The following TTN variants were observed in gnomAD, a reference collection of about 807,000 sequenced individuals.
TTN encodes titin, also known as connectin.
In TTN, 1,525 loss-of-function variants were observed where a neutral mutation model predicts 3,223.0. That is an observed-to-expected ratio of 0.47 (90% confidence interval 0.45 to 0.49). The LOEUF is 0.49. Ranked by LOEUF, TTN falls within the 20% of genes least tolerant of loss-of-function variation. The probability of loss-of-function intolerance (pLI) is 0.00; values close to 1 mark genes in which losing one functional copy is unlikely to be tolerated. For synonymous variants in TTN, 14,094 were observed against 15,161.0 expected, an observed-to-expected ratio of 0.93 and a Z score of 5.17; for missense variants, 40,786 against 43,424.0, an observed-to-expected ratio of 0.94 and a Z score of 5.40.
At chr2:178,664,980 A>C (rs1163136531) in intron 165 of TTN, 54 bp from the exon 166 acceptor site, 2 of 1,536,518 alleles carry the variant, frequency 1.3e-6, no homozygotes, top group East Asian at 4.7e-5. Context: ...AATGGAAAAC[A>C]GTAACCACAA....
In TTN at chr2:178,650,210, TG is replaced by T; in HGVS notation, c.39770del (p.Pro13257GlnfsTer53). On this transcript the variant is annotated frameshift_variant, in exon 210 of 363. Coordinates refer to ENST00000589042, the MANE Select transcript of TTN (RefSeq NM_001267550.2). LOFTEE classifies it high-confidence loss of function. ...EEEIAPEEEK[P>X]VPVAEEEEPE... ...GTTCCTCCTCTTCTGCAACAGGAAC[TG>T]GCTTTTCCTCTTCAGGAGCAATTTC... 1 of 1,597,878 alleles carries T rather than the reference TG, an allele frequency of 6.3e-7. No homozygotes were observed.
In TTN at chr2:178,536,351, G is replaced by A. The variant is rs371908649; in HGVS notation, c.100396C>T (p.Arg33466Cys). ...NLIEGLEYEFRVKCENLGGES... is the reference protein window; with the variant it reads ...NLIEGLEYEFCVKCENLGGES... The stretch of plus-strand genomic sequence containing the variant: ...CCACCTAGATTTTCACATTTCACAC[G>A]AAACTCGTATTCAAGACCTTCAATA... The change falls in exon 357 of 363, where the codon CGT becomes TGT. Residue 33466 changes from arginine to cysteine, a missense_variant. Coordinates refer to ENST00000589042, the MANE Select transcript of TTN (RefSeq NM_001267550.2). 3.3e-5 allele frequency: 53 copies of A among 1,613,684 alleles called. No homozygotes were observed. In the East Asian group the frequency reaches 6.0e-4, roughly 18 times the overall value.
In TTN at chr2:178,552,771, T is replaced by C. The variant is rs727504960; in HGVS notation, c.90129A>G (p.Thr30043=). The part of the protein sequence containing the change: ...PIRDLSMKDS[T]KTSVILSWTK... ...TCCAGCTGAGGATGACAGATGTCTT[T>C]GTTGAGTCTTTCATTGAGAGATCAC... Residue 30043 remains threonine, a synonymous_variant, in exon 335 of 363, where the codon ACA becomes ACG. Coordinates refer to ENST00000589042, the MANE Select transcript of TTN (RefSeq NM_001267550.2). The C allele has an allele frequency of 1.9e-6, 3 of 1,613,974 alleles. No homozygotes were observed. Among genetic ancestry groups the C allele is most frequent in the East Asian group, 4.5e-5 (2 of 44,866 alleles).
At chr2:178,749,508 T>C (rs2084754568) in intron 47 of TTN, 1 of 1,612,772 alleles carries the variant, frequency 6.2e-7, no homozygotes, top group Non-Finnish European at 8.5e-7. Context: ...TTTACATTTG[T>C]CCAGGGAGTA....
At position 178,573,559 on chromosome 2, in the gene TTN, A is replaced by G; in HGVS notation, c.72573T>C (p.Asn24191=). Residue 24191 remains asparagine (N), a synonymous_variant, in exon 326 of 363, where the codon AAT becomes AAC. Coordinates refer to ENST00000589042, the MANE Select transcript of TTN (RefSeq NM_001267550.2). ...KLKVTKLLKG[N]EYIFRVMAVN... The stretch of plus-strand genomic sequence containing the variant: ...CAGCCATGACACGGAATATGTATTC[A>G]TTGCCTTTCAAGAGTTTAGTGACCT... The G allele has an allele frequency of 6.7e-7, 1 of 1,497,428 alleles. No homozygotes were observed. Among genetic ancestry groups the G allele is most frequent in the African/African-American group, 1.4e-5 (1 of 71,420 alleles). The allele number at this position is 1,497,428 out of a possible 1,614,324, so 92.8% of individuals were successfully genotyped here.
At chr2:178,699,519 C>T (rs1577620508) in intron 111 of TTN, among the ~76,000 whole-genome samples, 1 of 142,842 alleles carries the variant, frequency 7.0e-6, no homozygotes, top group African/African-American at 2.6e-5. Context: ...CCACACCATT[C>T]TCCTGCCTCA....
rs988473545 is a variant in TTN at position 178,646,512 on chromosome 2, G to A, written c.40270C>T (p.Pro13424Ser). 1 of 1,547,646 alleles carries A rather than the reference G, an allele frequency of 6.5e-7. No individual in the cohort carries two copies. The highest frequency in any genetic ancestry group is 1.4e-5 in the African/African-American group (1 of 72,886). The change falls in exon 216 of 363, where the codon CCA becomes TCA. Residue 13424 changes from proline (P) to serine (S), a missense_variant. Pro to Ser is a moderately conservative substitution (Grantham distance 74). Transcript: ENST00000589042. ...TTTACTGGTATTTCTTCAGGCTGTGGTTCAGGTTCGGGCTCTTCAGGTTTA... is the reference window on the plus strand; with the variant it reads ...TTTACTGGTATTTCTTCAGGCTGTGATTCAGGTTCGGGCTCTTCAGGTTTA... ...YIKPEEPEPE[P>S]QPEEIPVKEP... is the part of the protein sequence containing the mutation.
At chr2:178,630,029 T>G (rs1159320314) in intron 239 of TTN, among the ~76,000 whole-genome samples, 1 of 152,108 alleles carries the variant, frequency 6.6e-6, no homozygotes, top group Admixed American at 6.5e-5. Flanking sequence ...CTAAATTTTC[T>G]TTTGTTCAAA....
Position 178,569,776 on chromosome 2 carries a change from C to T in TTN, c.76356G>A (p.Trp25452Ter), listed in dbSNP as rs2154168035. The change falls in exon 326 of 363, where the codon TGG becomes TGA. Residue 25452 changes from tryptophan (W) to a stop codon, truncating the protein, a stop_gained. Coordinates refer to ENST00000589042, the MANE Select transcript of TTN (RefSeq NM_001267550.2). LOFTEE classifies it high-confidence loss of function. ...VEKCDVSVGE[W>*]TMCTPPTGIN... ...TTCCTGTTGGTGGAGTGCACATTGT[C>T]CATTCACCAACACTCACATCACATT... 6.2e-7 allele frequency: 1 copy of T among 1,613,240 alleles called. No homozygotes were observed. The highest frequency in any genetic ancestry group is 8.5e-7 in the Non-Finnish European group (1 of 1,179,616).
chr2:178,560,362 T>C lies in TTN; in HGVS notation c.85770A>G (p.Arg28590=), dbSNP rs576796293. 6 of 1,613,768 alleles carry C rather than the reference T, an allele frequency of 3.7e-6. No homozygotes were observed. Among genetic ancestry groups the C allele is most frequent in the African/African-American group, 2.7e-5 (2 of 75,050 alleles). The change falls in exon 326 of 363, where the codon CGA becomes CGG. Residue 28590 remains arginine, a synonymous_variant. Coordinates refer to ENST00000589042, the MANE Select transcript of TTN (RefSeq NM_001267550.2). ...SEISGYIIER[R]EKNSLRWVRV... is the part of the protein sequence containing the mutation. The stretch of plus-strand genomic sequence containing the variant: ...GCACCCATCTTAGGCTATTTTTCTC[T>C]CGCCTTTCAATTATATATCCAGATA...
Position 178,593,616 on chromosome 2 carries a change from T to C in TTN, c.58684A>G (p.Ile19562Val), listed in dbSNP as rs397517637. 5 of 1,612,970 alleles carry C rather than the reference T, an allele frequency of 3.1e-6. No homozygotes were observed. The highest frequency in any genetic ancestry group is 3.4e-6 in the Non-Finnish European group (4 of 1,179,508). The change falls in exon 298 of 363, where the codon ATA becomes GTA. Residue 19562 changes from isoleucine (I) to valine (V), a missense_variant. Transcript: ENST00000589042. ...GAATCAGACACCAGAGGATCACTTATTCCATACAGATTTTCAGCATGTATC... is the reference window on the plus strand; with the variant it reads ...GAATCAGACACCAGAGGATCACTTACTCCATACAGATTTTCAGCATGTATC... ...FRIHAENLYGISDPLVSDSMK... is the reference protein window; with the variant it reads ...FRIHAENLYGVSDPLVSDSMK...
rs375373437 is a variant in TTN at position 178,572,734 on chromosome 2, A to G, written c.73398T>C (p.His24466=). The G allele has an allele frequency of 1.2e-6, 2 of 1,613,460 alleles. No homozygotes were observed. Among genetic ancestry groups the G allele is most frequent in the Non-Finnish European group, 1.7e-6 (2 of 1,179,580 alleles). The change falls in exon 326 of 363, where the codon CAT becomes CAC. Residue 24466 remains histidine, a synonymous_variant. Transcript: ENST00000589042. The stretch of plus-strand genomic sequence containing the variant: ...TGCTAGCTTTATCTAAAGATTCTCC[A>G]TGGTCCCGGGCCCACTTCACCTCAG... The part of the protein sequence containing the change: ...PAPEVKWARD[H]GESLDKASIE...
rs2067116668 is a variant in TTN at position 178,672,176 on chromosome 2, T to C, written c.35022A>G (p.Glu11674=). ...CTTCTTCTTCCGGAATTTCTTCCAC[T>C]TCTGCTTCTACTACTTCTAATTCTA... ...ERLELEVVEA[E]VEEIPEEEEF... is the part of the protein sequence containing the mutation. Residue 11674 remains glutamate, a synonymous_variant, in exon 155 of 363, where the codon GAA becomes GAG. Coordinates refer to ENST00000589042, the MANE Select transcript of TTN (RefSeq NM_001267550.2). The C allele has an allele frequency of 2.5e-6, 4 of 1,583,874 alleles. No homozygotes were observed. The highest frequency in any genetic ancestry group is 3.4e-6 in the Non-Finnish European group (4 of 1,163,038).
In TTN at chr2:178,542,322, G is replaced by T. The variant is rs786205295; in HGVS notation, c.97434C>A (p.Asn32478Lys). ...NEYVFRVAAT[N>K]RFGIGSYLQS... ...GCAAGTAAGAGCCAATCCCGAAGCG[G>T]TTTGTTGCAGCCACACGGAACACAT... is the stretch of plus-strand genomic sequence containing the variant. Residue 32478 changes from asparagine (N) to lysine (K), a missense_variant, in exon 349 of 363, where the codon AAC (asparagine) becomes AAA (lysine). Asn to Lys is a moderately conservative substitution (Grantham distance 94). Transcript: ENST00000589042. The T allele has an allele frequency of 1.2e-6, 2 of 1,613,102 alleles. No homozygotes were observed. Among genetic ancestry groups the T allele is most frequent in the Non-Finnish European group, 1.7e-6 (2 of 1,179,498 alleles).
chr2:178,528,647 G>T lies in TTN; in HGVS notation c.107104C>A (p.Pro35702Thr), dbSNP rs551126367. Reference sequence around the variant, plus strand: ...GATCTAGGCTGTGAGATGAAGGCTGGAGCATCTGAGAGTTCTTTGCTCAGT... The same window carrying T: ...GATCTAGGCTGTGAGATGAAGGCTGTAGCATCTGAGAGTTCTTTGCTCAGT... The part of the protein sequence containing the change: ...LTLSKELSDA[P>T]AFISQPRSQN... Residue 35702 changes from proline to threonine, a missense_variant, in exon 360 of 363, where the codon CCA becomes ACA. By Grantham distance (38) the Pro-to-Thr change is conservative (BLOSUM62 -1). Transcript: ENST00000589042. The T allele has an allele frequency of 1.9e-6, 3 of 1,612,948 alleles. No individual in the cohort carries two copies. In the South Asian group the frequency reaches 3.3e-5, roughly 18 times the overall value.
rs766946708 is a variant in TTN, at chr2:178,790,800, C to T, written c.1708G>A (p.Ala570Thr). ...TCTAGTTTTGTGGACTTTGCAGTGG[C>T]AACTACCACCATGGATGCAGCAGTT... ...EITAASMVVV[A>T]TAKSTKLETV... The change falls in exon 11 of 363, where the codon GCC (alanine) becomes ACC (threonine). Residue 570 changes from alanine to threonine, a missense_variant. Physicochemically the swap from Ala to Thr is moderately conservative, Grantham distance 58 (BLOSUM62 0). Coordinates refer to ENST00000589042, the MANE Select transcript of TTN (RefSeq NM_001267550.2). 31 of 1,613,968 alleles carry T rather than the reference C, an allele frequency of 1.9e-5. No homozygotes were observed. Among genetic ancestry groups the T allele is most frequent in the Non-Finnish European group, 2.2e-5 (26 of 1,179,994 alleles).
At chr2:178,666,757 AT>A in intron 163 of TTN, 66 bp downstream of exon 163, 1 of 1,361,734 alleles carries the variant, frequency 7.3e-7, no homozygotes, top group Non-Finnish European at 9.9e-7. Context: ...AGATATTAGT[AT>A]TTTTACATGT....
chr2:178,715,309 A>G (rs1428169170), intron 89 of TTN, 45 bp from the exon 90 acceptor site: 3 of 1,542,812 alleles, frequency 1.9e-6, no homozygotes, highest in South Asian at 2.6e-5. Flanking sequence ...CTGTAAGTAT[A>G]TAGTTAAAAG....
At chr2:178,618,536 T>TTTTAAATTGTGCTTTGCAAA in intron 251 of TTN, 45 bp from the exon 252 acceptor site, 2 of 1,608,484 alleles carry the variant, frequency 1.2e-6, no homozygotes, top group Non-Finnish European at 1.7e-6. Flanking sequence ...GCTGTCTTGC[T>TTTTAAATTGTGCTTTGCAAA]TTTAAATTGT....
Sources: allele counts gnomAD v4.1 joint callset (sites outside exome capture counted in the v4.1 genomes callset), GRCh38; gene constraint gnomAD v4.1.1; transcripts MANE v1.5; gene names NCBI Gene and HGNC (gene_info 2026-07-23, HGNC 2026-07-21).